SDHA: variants seen among roughly 807,000 people sequenced by gnomAD.
SDHA encodes succinate dehydrogenase complex flavoprotein subunit A.
Under a neutral mutation model 78.4 loss-of-function variants are expected in SDHA, and 48 were observed. That is an observed-to-expected ratio of 0.61 (90% CI 0.49 to 0.78). The LOEUF is 0.78. Ranked by LOEUF, SDHA falls within the 30% of genes least tolerant of loss-of-function variation. The probability of loss-of-function intolerance (pLI) is 0.00; values close to 1 mark genes in which losing one functional copy is unlikely to be tolerated. For missense variants in SDHA, 680 were observed against 892.7 expected, an observed-to-expected ratio of 0.76 and a Z score of 3.04; for synonymous variants, 326 against 353.9, an observed-to-expected ratio of 0.92 and a Z score of 0.88.
At chr5:261,704 CT>C, downstream of SDHA, among the ~76,000 whole-genome samples, 1 of 50,294 alleles carries the variant, frequency 2.0e-5, no homozygotes, top group Non-Finnish European at 3.7e-5. Context: ...TGAGCTCCGC[CT>C]CCCGGCAGAG....
chr5:220,873 C>A (rs1213029104), intron 1 of SDHA, among the ~76,000 whole-genome samples: 2 of 147,642 alleles, frequency 1.4e-5, no homozygotes, highest in South Asian at 2.1e-4. Context: ...AGTGCAGTGG[C>A]GCAATCTCGG....
chr5:228,152 C>T, intron 5 of SDHA, 33 bp from the exon 6 acceptor site: 3 of 1,603,756 alleles, frequency 1.9e-6, no homozygotes, highest in Non-Finnish European at 2.5e-6. Flanking sequence ...TTTGGCTTAA[C>T]ACTTCTTGCC....
intron 6 of SDHA, among the ~76,000 whole-genome samples, 156 bp downstream of exon 6, chr5:228,489 G>A (rs1367315628): frequency 2.0e-5 from 3 of 152,296 alleles, no homozygotes; most frequent in Admixed American, 1.3e-4. Flanking sequence ...CCCAGCCGTG[G>A]TTCCTCACCT....
intron 11 of SDHA, among the ~76,000 whole-genome samples, chr5:246,550 A>G (rs867383117): frequency 6.6e-6 from 1 of 152,402 alleles, no homozygotes; most frequent in South Asian, 2.1e-4. Flanking sequence ...CCAAGTAAAT[A>G]GAATAGTTCC....
At chr5:229,924 A>ATGGTGG (rs1735282225) in intron 6 of SDHA, among the ~76,000 whole-genome samples, 1 of 150,962 alleles carries the variant, frequency 6.6e-6, no homozygotes, top group African/African-American at 2.5e-5. Flanking sequence ...ATTATACAGC[A>ATGGTGG]CGGTGGCTAG....
At chr5:241,249 T>C (rs914555831) in intron 11 of SDHA, among the ~76,000 whole-genome samples, 14 of 152,244 alleles carry the variant, frequency 9.2e-5, no homozygotes, top group African/African-American at 2.9e-4. Context: ...GAGAGGGAAC[T>C]GCAGGACCGC....
At chr5:260,849 G>C (rs1490796587), downstream of SDHA, among the ~76,000 whole-genome samples, 1 of 10,808 alleles carries the variant, frequency 9.3e-5, no homozygotes, top group Non-Finnish European at 2.1e-4. Flanking sequence ...CCTCCCGCCA[G>C]AGCATTACCG....
chr5:248,242 G>A (rs1343209305), intron 11 of SDHA, among the ~76,000 whole-genome samples: 3 of 151,926 alleles, frequency 2.0e-5, no homozygotes, highest in African/African-American at 7.2e-5. Flanking sequence ...GGAGGATCCC[G>A]AGGACCCCTC....
intron 10 of SDHA, among the ~76,000 whole-genome samples, chr5:236,837 A>G (rs1263050438): frequency 6.6e-6 from 1 of 151,700 alleles, no homozygotes; most frequent in Non-Finnish European, 1.5e-5. Context: ...TATTTTGTAG[A>G]GACAGGGTCT....
In SDHA at chr5:226,005, T is replaced by G; in HGVS notation, c.579T>G (p.Ala193=). The change falls in exon 5 of 15, where the codon GCT becomes GCG. Residue 193 remains alanine (A), a synonymous_variant. Transcript: ENST00000264932. ...AGGCCCATCGGTGCTGCTGTGTGGC[T>G]GATCGGACTGGCCACTCGCTATTGC... The part of the protein sequence containing the change: ...GGQAHRCCCV[A]DRTGHSLLHT... The G allele has an allele frequency of 6.2e-7, 1 of 1,614,216 alleles. No homozygotes were observed. The highest frequency in any genetic ancestry group is 8.5e-7 in the Non-Finnish European group (1 of 1,180,050).
chr5:228,934 C>T lies in SDHA; in HGVS notation c.770+601C>T, dbSNP rs574065631. Among the ~76,000 whole-genome samples the T allele has an allele frequency of 2.6e-5, 4 of 151,250 alleles. 1 individual carries two copies. The South Asian group carries it at 8.3e-4, about 31-fold the overall frequency. On this transcript the variant is annotated intron_variant, in intron 6 of 14. Transcript: ENST00000264932. Reference sequence around the variant, plus strand: ...CCTACTAAACCCTACTAAAAAACAACCCTACTAAAAATGGGCAAAGGACTT... The same window carrying T: ...CCTACTAAACCCTACTAAAAAACAATCCTACTAAAAATGGGCAAAGGACTT...
At chr5:265,875 T>C in the SDHA span, among the ~76,000 whole-genome samples, 395 of 150,978 alleles carry the variant, frequency 2.6e-3, 1 homozygote, top group African/African-American at 9.1e-3. Context: ...TTCTCTAACC[T>C]GTGTAACAGG....
intron 13 of SDHA, 90 bp downstream of exon 13, chr5:251,558 T>C: frequency 1.3e-6 from 2 of 1,599,410 alleles, no homozygotes. Flanking sequence ...CTGCATTTTC[T>C]TTCGTTGCCC....
At chr5:239,490 G>A (rs893965297) in intron 10 of SDHA, among the ~76,000 whole-genome samples, 1 of 151,796 alleles carries the variant, frequency 6.6e-6, no homozygotes, top group African/African-American at 2.4e-5. Context: ...CCCGGAGATG[G>A]AGGTTGCAGT....
In SDHA at chr5:224,535, G is replaced by T; in HGVS notation, c.312+14G>T. ...GTTGCAGCACAGGTAAGAGAAAGGT[G>T]CCCCACTGTGCTCCCACTCCGTGCA... On this transcript the variant is annotated intron_variant, in intron 3 of 14. Coordinates refer to ENST00000264932, the MANE Select transcript of SDHA (RefSeq NM_004168.4). 6.2e-7 allele frequency: 1 copy of T among 1,611,336 alleles called. No individual in the cohort carries two copies. Among genetic ancestry groups the T allele is most frequent in the Non-Finnish European group, 8.5e-7 (1 of 1,179,310 alleles).
At chr5:219,239 A>G (rs1365765160) in intron 1 of SDHA, among the ~76,000 whole-genome samples, 2 of 151,888 alleles carry the variant, frequency 1.3e-5, no homozygotes, top group Non-Finnish European at 2.9e-5. Context: ...TTAGTCCAGG[A>G]TGGTGGTCAG....
intron 3 of SDHA, among the ~76,000 whole-genome samples, 188 bp from the exon 4 acceptor site, chr5:225,231 G>A (rs776365681): frequency 6.6e-6 from 1 of 152,106 alleles, no homozygotes; most frequent in Non-Finnish European, 1.5e-5. Flanking sequence ...ATCACTGGGC[G>A]AGTCGGGGAG....
At chr5:248,709 G>A (rs1324430159) in intron 11 of SDHA, among the ~76,000 whole-genome samples, 1 of 152,154 alleles carries the variant, frequency 6.6e-6, no homozygotes, top group African/African-American at 2.4e-5. Context: ...GAACAGGCAG[G>A]GGTGCTGGCA....
At chr5:254,671 C>G (rs1473761277) in intron 14 of SDHA, among the ~76,000 whole-genome samples, 165 bp downstream of exon 14, 2 of 152,196 alleles carry the variant, frequency 1.3e-5, no homozygotes, top group Non-Finnish European at 2.9e-5. Context: ...AGCAGTCGGG[C>G]TTCGGGCTGG....
Sources: allele counts gnomAD v4.1 joint callset (sites outside exome capture counted in the v4.1 genomes callset), GRCh38; gene constraint gnomAD v4.1.1; transcripts MANE v1.5; gene names NCBI Gene and HGNC (gene_info 2026-07-23, HGNC 2026-07-21).